The following ROBO2 variants were observed in gnomAD, a reference collection of about 807,000 sequenced individuals.
ROBO2 encodes roundabout homolog 2.
Under a neutral mutation model 160.8 loss-of-function variants are expected in ROBO2, and 53 were observed. The observed-to-expected ratio is 0.33, with a 90% CI of 0.26 to 0.41. The LOEUF (loss-of-function observed/expected upper bound fraction) is 0.41, where lower values mean the gene tolerates loss of function less well. Ranked by LOEUF, ROBO2 falls within the 10% of genes least tolerant of loss-of-function variation. ROBO2 has a pLI of 1.00. For missense variants in ROBO2, 1,577 were observed against 1,722.4 expected (o/e 0.92, Z 1.49); for synonymous variants, 664 against 611.7 (o/e 1.09, Z -1.26).
chr3:77,549,077 G>A (rs967430776), intron 7 of ROBO2, among the ~76,000 whole-genome samples: 2 of 151,946 alleles, frequency 1.3e-5, no homozygotes, highest in South Asian at 2.1e-4. Flanking sequence ...ACTCTCCAAG[G>A]CGGGAAGAGC....
chr3:76,992,473 G>A lies in ROBO2; in HGVS notation c.110-105541G>A, dbSNP rs1054758542. ...ATTACTGAAATACATCTCTAAAGAAGACTTAATGCCACCCTGGTAAAAATA... is the reference window on the plus strand; with the variant it reads ...ATTACTGAAATACATCTCTAAAGAAAACTTAATGCCACCCTGGTAAAAATA... On this transcript the variant is annotated intron_variant, in intron 2 of 26. Coordinates refer to the ROBO2 transcript ENST00000487694. 4.0e-5 allele frequency among the ~76,000 whole-genome samples: 6 copies of A among 151,220 alleles called. No homozygotes were observed. The East Asian group carries it at 1.2e-3, about 29-fold the overall frequency.
chr3:76,538,772 T>G (rs949856235), intron 2 of ROBO2, among the ~76,000 whole-genome samples: 36 of 152,162 alleles, frequency 2.4e-4, no homozygotes, highest in African/African-American at 8.7e-4. Flanking sequence ...CAGAGTGTCT[T>G]TTGTTCCCAC....
At chr3:76,885,546 A>T (rs2073792550) in intron 2 of ROBO2, among the ~76,000 whole-genome samples, 1 of 152,316 alleles carries the variant, frequency 6.6e-6, no homozygotes, top group East Asian at 1.9e-4. Context: ...CTATTCCAGG[A>T]TGTGTGTTAG....
At chr3:76,928,820 TG>T (rs2077149113) in intron 2 of ROBO2, among the ~76,000 whole-genome samples, 1 of 152,200 alleles carries the variant, frequency 6.6e-6, no homozygotes, top group African/African-American at 2.4e-5. Flanking sequence ...CTCACCTCCG[TG>T]GTTAACTCAT....
rs529491693 is a variant in ROBO2 at position 76,093,831 on chromosome 3, A to G, written c.109+156229A>G. On this transcript the variant is annotated intron_variant, in intron 2 of 26. Coordinates refer to the ROBO2 transcript ENST00000487694. Reference sequence around the variant, plus strand: ...TTTACAGGAAAATGTGTGGCATTTTATACTACTTCTGTGTTATCAACTTTT... The same window carrying G: ...TTTACAGGAAAATGTGTGGCATTTTGTACTACTTCTGTGTTATCAACTTTT... Among the ~76,000 whole-genome samples, 30 of 152,290 alleles carry G rather than the reference A, an allele frequency of 2.0e-4. No homozygotes were observed. The South Asian group carries it at 6.2e-3, about 32-fold the overall frequency.
At chr3:77,096,373 C>A (rs1013086441) in intron 1 of ROBO2, among the ~76,000 whole-genome samples, 1 of 151,744 alleles carries the variant, frequency 6.6e-6, no homozygotes, top group Admixed American at 6.6e-5. Flanking sequence ...GAAAAATATT[C>A]AAAATAACAC....
chr3:76,951,889 A>G (rs1011163704), intron 2 of ROBO2, among the ~76,000 whole-genome samples: 7 of 152,224 alleles, frequency 4.6e-5, no homozygotes, highest in African/African-American at 1.7e-4. Flanking sequence ...GCATACAGCC[A>G]TTGATACTAT....
intron 2 of ROBO2, among the ~76,000 whole-genome samples, chr3:76,208,852 A>T (rs1702968316): frequency 6.6e-6 from 1 of 152,140 alleles, no homozygotes; most frequent in East Asian, 1.9e-4. Flanking sequence ...CACTTTTGTC[A>T]GTAAATTACC....
At chr3:76,453,991 A>T (rs989682712) in intron 2 of ROBO2, among the ~76,000 whole-genome samples, 1 of 152,146 alleles carries the variant, frequency 6.6e-6, no homozygotes, top group Admixed American at 6.6e-5. Context: ...CACCTGGGCC[A>T]TGCTCATTTC....
At chr3:76,690,306 A>T (rs1291311011) in intron 2 of ROBO2, among the ~76,000 whole-genome samples, 9 of 152,072 alleles carry the variant, frequency 5.9e-5, no homozygotes, top group Non-Finnish European at 1.5e-5. Context: ...TTAGAAACTT[A>T]ATCACCAATG....
intron 2 of ROBO2, among the ~76,000 whole-genome samples, chr3:76,416,425 T>TG (rs138359784): frequency 2.0e-5 from 3 of 151,936 alleles, no homozygotes; most frequent in Admixed American, 6.6e-5. Context: ...TGTGTGTGTG[T>TG]GGGGGGGAAA....
chr3:77,592,638 A>G (rs949628234), intron 17 of ROBO2, among the ~76,000 whole-genome samples: 2 of 152,018 alleles, frequency 1.3e-5, no homozygotes, highest in Non-Finnish European at 2.9e-5. Context: ...TGCAACCTCC[A>G]CCCTCCAAGT....
intron 2 of ROBO2, among the ~76,000 whole-genome samples, chr3:76,145,535 T>C (rs2071852161): frequency 6.6e-6 from 1 of 152,020 alleles, no homozygotes; most frequent in Non-Finnish European, 1.5e-5. Context: ...ATACGTAAAT[T>C]AATGTATGTA....
At chr3:76,431,976 G>A (rs1013990520) in intron 2 of ROBO2, among the ~76,000 whole-genome samples, 3 of 152,164 alleles carry the variant, frequency 2.0e-5, no homozygotes, top group African/African-American at 7.2e-5. Context: ...CTAGGCACAG[G>A]TGTTAGAGGC....
intron 2 of ROBO2, among the ~76,000 whole-genome samples, chr3:76,160,674 T>A (rs558427515): frequency 1.3e-5 from 2 of 152,288 alleles, no homozygotes; most frequent in South Asian, 4.1e-4. Context: ...TCATCATAAA[T>A]TTGATATTTG....
At chr3:77,107,024 G>A (rs944825074) in intron 2 of ROBO2, among the ~76,000 whole-genome samples, 3 of 152,174 alleles carry the variant, frequency 2.0e-5, no homozygotes, top group African/African-American at 7.2e-5. Flanking sequence ...CATAAACTGG[G>A]TAGCTTTTTA....
chr3:77,484,636 A>G (rs888263480), intron 4 of ROBO2, among the ~76,000 whole-genome samples: 1 of 151,720 alleles, frequency 6.6e-6, no homozygotes, highest in Non-Finnish European at 1.5e-5. Flanking sequence ...CTATTTATTG[A>G]TGTATCAATT....
At chr3:76,204,513 G>A (rs1307376051) in intron 2 of ROBO2, among the ~76,000 whole-genome samples, 1 of 152,144 alleles carries the variant, frequency 6.6e-6, no homozygotes, top group Non-Finnish European at 1.5e-5. Flanking sequence ...GAAATAGAAT[G>A]TTCTAAAATA....
At chr3:77,096,809 A>C (rs11710191) in intron 1 of ROBO2, among the ~76,000 whole-genome samples, 53,098 of 151,956 alleles carry the variant, frequency 0.35, 9,950 homozygotes, top group East Asian at 0.55. Context: ...CAGGGAAGTC[A>C]CTGGTACGAT....
Sources: gnomAD v4.1 joint callset for allele counts (sites outside exome capture counted in the v4.1 genomes callset) on GRCh38, gnomAD v4.1.1 for gene constraint, MANE v1.5 for transcripts, NCBI Gene and HGNC (gene_info 2026-07-23, HGNC 2026-07-21) for gene names.